UBE4B: variants seen among roughly 807,000 people sequenced by gnomAD.
UBE4B encodes ubiquitin conjugation factor E4 B.
UBE4B carries 27 observed loss-of-function variants against 148.1 expected under a neutral mutation model. The ratio of observed to expected loss-of-function variants is 0.18; its 90% CI spans 0.13 to 0.25. The LOEUF is 0.25. UBE4B is among the 10% of genes least tolerant of loss of function. The probability of loss-of-function intolerance (pLI) is 1.00; values close to 1 mark genes in which losing one functional copy is unlikely to be tolerated. For synonymous variants in UBE4B, 596 were observed against 619.3 expected, an observed-to-expected ratio of 0.96 and a Z score of 0.56; for missense variants, 1,170 against 1,662.4, an observed-to-expected ratio of 0.70 and a Z score of 5.15.
chr1:10,074,006 C>A (rs901101839), intron 2 of UBE4B, among the ~76,000 whole-genome samples: 1 of 148,396 alleles, frequency 6.7e-6, no homozygotes, highest in African/African-American at 2.5e-5. Context: ...AGGCGTGATC[C>A]TAGTGCACTA....
intron 20 of UBE4B, among the ~76,000 whole-genome samples, chr1:10,150,992 T>A (rs1429826064): frequency 6.7e-6 from 1 of 148,432 alleles, no homozygotes; most frequent in African/African-American, 2.5e-5. Context: ...AAACCCCATC[T>A]CTACTAAAAA....
At chr1:10,156,261 C>G (rs1274188850) in intron 21 of UBE4B, among the ~76,000 whole-genome samples, 68 of 125,576 alleles carry the variant, frequency 5.4e-4, no homozygotes, top group African/African-American at 1.5e-3. Flanking sequence ...TTTTTTTGAG[C>G]TAGGGTCTTG....
intron 3 of UBE4B, among the ~76,000 whole-genome samples, chr1:10,097,680 T>G (rs1644950817): frequency 6.6e-6 from 1 of 151,974 alleles, no homozygotes; most frequent in African/African-American, 2.4e-5. Context: ...CATGGTGGCA[T>G]GTACCTGTAG....
At chr1:10,117,637 C>G (rs1645334777) in intron 8 of UBE4B, 37 bp downstream of exon 8, 1 of 1,522,018 alleles carries the variant, frequency 6.6e-7, no homozygotes, top group Non-Finnish European at 8.8e-7. Context: ...AAAAAAAAGC[C>G]TAGTTATTTG....
intron 20 of UBE4B, among the ~76,000 whole-genome samples, chr1:10,150,899 T>C (rs532293237): frequency 2.4e-4 from 35 of 145,782 alleles, no homozygotes; most frequent in Middle Eastern, 3.9e-3. Context: ...CAGTGGCTCA[T>C]GCCTGTAATC....
intron 2 of UBE4B, among the ~76,000 whole-genome samples, chr1:10,089,527 G>A (rs1644814766): frequency 6.7e-6 from 1 of 149,838 alleles, no homozygotes; most frequent in African/African-American, 2.5e-5. Context: ...AGTTTTCAGG[G>A]GTGAGACTTG....
intron 21 of UBE4B, among the ~76,000 whole-genome samples, chr1:10,153,336 T>C (rs757892054): frequency 6.6e-5 from 10 of 150,858 alleles, no homozygotes; most frequent in Non-Finnish European, 1.2e-4. Flanking sequence ...CGAGACCCCA[T>C]CTCTACGAAA....
chr1:10,096,343 C>T (rs1023026907), intron 3 of UBE4B, among the ~76,000 whole-genome samples: 3 of 152,096 alleles, frequency 2.0e-5, no homozygotes, highest in African/African-American at 7.2e-5. Context: ...GAGGTATTGA[C>T]TCCTTTCATG....
In UBE4B at chr1:10,134,978, A is replaced by G. The variant is rs781589589; in HGVS notation, c.2026-10A>G. On this transcript the variant is annotated splice_polypyrimidine_tract_variant and intron_variant, in intron 15 of 27. Coordinates refer to ENST00000343090, the MANE Select transcript of UBE4B (RefSeq NM_001105562.3). ...TGTTTAAAAATACTTTTTCTTTTCA[A>G]CTTTCACAGACAGATGATAGATTGG... is the stretch of plus-strand genomic sequence containing the variant. The G allele has an allele frequency of 2.5e-6, 4 of 1,609,806 alleles. No homozygotes were observed. Among genetic ancestry groups the G allele is most frequent in the Admixed American group, 1.7e-5 (1 of 59,196 alleles).
At chr1:10,049,075 A>G (rs1486339820) in intron 1 of UBE4B, among the ~76,000 whole-genome samples, 1 of 152,196 alleles carries the variant, frequency 6.6e-6, no homozygotes, top group African/African-American at 2.4e-5. Flanking sequence ...GAGACATAAT[A>G]TGGGGAACAT....
At chr1:10,138,045 C>G (rs1467954183) in intron 17 of UBE4B, among the ~76,000 whole-genome samples, 1 of 144,798 alleles carries the variant, frequency 6.9e-6, no homozygotes, top group Non-Finnish European at 1.5e-5. Flanking sequence ...AGCGATTCTC[C>G]TGCTTCAGCC....
intron 17 of UBE4B, among the ~76,000 whole-genome samples, chr1:10,143,778 A>C (rs1456739316): frequency 6.6e-6 from 1 of 152,206 alleles, no homozygotes; most frequent in East Asian, 1.9e-4. Flanking sequence ...AATGGCTATA[A>C]TAGAAGATTC....
chr1:10,156,239 C>CTT (rs199801311), intron 21 of UBE4B, among the ~76,000 whole-genome samples: 5 of 123,770 alleles, frequency 4.0e-5, no homozygotes, highest in Non-Finnish European at 6.8e-5. Context: ...ATTTTCTTTT[C>CTT]TTTTTTTTTT....
At chr1:10,074,416 T>C (rs1206472179) in intron 2 of UBE4B, among the ~76,000 whole-genome samples, 1 of 152,104 alleles carries the variant, frequency 6.6e-6, no homozygotes, top group Non-Finnish European at 1.5e-5. Flanking sequence ...GGAACTCTCT[T>C]GATCTAATTC....
At chr1:10,144,162 C>T (rs1191169335) in intron 17 of UBE4B, among the ~76,000 whole-genome samples, 1 of 152,088 alleles carries the variant, frequency 6.6e-6, no homozygotes, top group Non-Finnish European at 1.5e-5. Flanking sequence ...TGAGCAGACA[C>T]CTGAGGGGAG....
chr1:10,073,873 T>A (rs1055787915), intron 2 of UBE4B, among the ~76,000 whole-genome samples: 1 of 151,786 alleles, frequency 6.6e-6, no homozygotes, highest in African/African-American at 2.4e-5. Flanking sequence ...TCATTCTCCA[T>A]GCTCACTCTC....
At chr1:10,112,329 A>G (rs867007932) in intron 7 of UBE4B, among the ~76,000 whole-genome samples, 1 of 152,250 alleles carries the variant, frequency 6.6e-6, no homozygotes, top group Admixed American at 6.5e-5. Flanking sequence ...TTGTAAAAGC[A>G]TCATGAATTT....
At position 10,168,622 on chromosome 1, in the gene UBE4B, G is replaced by A. The variant is rs572320741; in HGVS notation, c.3333+352G>A. ...GAAAAAGCATAAGGTGCCGGGTGCG[G>A]TGGCTCACGCCTGTAATCCCAGCAC... On this transcript the variant is annotated intron_variant, in intron 24 of 27. Transcript: ENST00000343090. The surrounding 1 kb of genome is among the most constrained non-coding windows in gnomAD (Gnocchi z 4.9). Among the ~76,000 whole-genome samples the A allele has an allele frequency of 1.3e-5, 2 of 152,308 alleles. No individual in the cohort carries two copies. The highest frequency in any genetic ancestry group is 4.1e-4 in the South Asian group (2 of 4,820).
chr1:10,088,319 T>TAAGATTTAAGATTTAAG (rs1644793763), intron 2 of UBE4B, among the ~76,000 whole-genome samples: 1 of 152,246 alleles, frequency 6.6e-6, no homozygotes, highest in South Asian at 2.1e-4. Context: ...TCCCAGTATT[T>TAAGATTTAAGATTTAAG]AAGATACCAT....
Sources: allele counts gnomAD v4.1 joint callset (sites outside exome capture counted in the v4.1 genomes callset), GRCh38; gene constraint gnomAD v4.1.1; non-coding constraint Gnocchi (gnomAD v3.1); transcripts MANE v1.5; gene names NCBI Gene and HGNC (gene_info 2026-07-23, HGNC 2026-07-21).